The following MTERF4 variants were observed in gnomAD, a reference collection of about 807,000 sequenced individuals.
MTERF4 encodes the protein mitochondrial transcription termination factor 4, also known as transcription termination factor 4, mitochondrial.
A neutral mutation model predicts 22.5 loss-of-function variants in MTERF4; 17 were observed. That is an observed-to-expected ratio of 0.75 (90% CI 0.52 to 1.13). The LOEUF (loss-of-function observed/expected upper bound fraction) is 1.13, where lower values mean the gene tolerates loss of function less well. Among genes scored for constraint, MTERF4 ranks in the 50% most tolerant of loss-of-function variants. The pLI is 0.00. For synonymous variants in MTERF4, 165 were observed against 175.3 expected (o/e 0.94, Z 0.47); for missense variants, 420 against 466.8 (o/e 0.90, Z 0.92).
the MTERF4 span, chr2:241,064,997 G>T: frequency 2.0e-6 from 3 of 1,468,620 alleles, no homozygotes; most frequent in East Asian, 7.4e-5. This position sits in a 1 kb window ranked among gnomAD's most constrained non-coding sequence, Gnocchi z 7.0. Flanking sequence ...AGCCACGAGG[G>T]GGTCCCCTCT....
the MTERF4 span, among the ~76,000 whole-genome samples, chr2:241,045,717 A>C: frequency 1.3e-5 from 2 of 151,988 alleles, no homozygotes; most frequent in Non-Finnish European, 2.9e-5. Context: ...CATAGGCAAA[A>C]AAAAAAAAAA....
chr2:241,101,305 T>A, intron 1 of MTERF4: 2 of 382,390 alleles, frequency 5.2e-6, no homozygotes. Context: ...AAGGCGCAGT[T>A]CACAATAGGG....
chr2:241,066,867 G>A, the MTERF4 span, among the ~76,000 whole-genome samples: 1 of 152,210 alleles, frequency 6.6e-6, no homozygotes, highest in Non-Finnish European at 1.5e-5. Flanking sequence ...AGCCCACCCA[G>A]AGGCCCACAA....
the MTERF4 span, among the ~76,000 whole-genome samples, chr2:241,066,622 C>A: frequency 1.8e-5 from 2 of 113,964 alleles, no homozygotes; most frequent in Non-Finnish European, 2.1e-5. Flanking sequence ...TGCGAAGTGG[C>A]GTGATGGATG....
At chr2:241,067,658 C>T (rs2062516773), downstream of MTERF4, 1 of 891,670 alleles carries the variant, frequency 1.1e-6, no homozygotes, top group African/African-American at 1.7e-5. Flanking sequence ...TCCAGTGCCT[C>T]TCTGTGGCCC....
At chr2:241,054,875 G>A in the MTERF4 span, among the ~76,000 whole-genome samples, 1 of 152,188 alleles carries the variant, frequency 6.6e-6, no homozygotes, top group Non-Finnish European at 1.5e-5. Flanking sequence ...CCAGCACTTT[G>A]GGAGGCCGAG....
intron 4 of MTERF4, chr2:241,081,880 C>A: frequency 9.9e-7 from 1 of 1,006,084 alleles, no homozygotes; most frequent in Non-Finnish European, 1.5e-6. Flanking sequence ...GGGTTTGCCA[C>A]GGGAGCCTCC....
chr2:241,056,735 C>A, the MTERF4 span, among the ~76,000 whole-genome samples: 1 of 151,882 alleles, frequency 6.6e-6, no homozygotes, highest in Non-Finnish European at 1.5e-5. Context: ...CGCCCATCAC[C>A]ACGCCCGGCT....
chr2:241,085,235 G>A (rs1010156086), downstream of MTERF4, among the ~76,000 whole-genome samples: 1 of 152,070 alleles, frequency 6.6e-6, no homozygotes, highest in Non-Finnish European at 1.5e-5. Flanking sequence ...TGGGACTCCA[G>A]TTATGCGTGT....
At chr2:241,087,785 T>C, downstream of MTERF4, 1 of 957,194 alleles carries the variant, frequency 1.0e-6, no homozygotes, top group Non-Finnish European at 1.4e-6. Flanking sequence ...GCCCCGAGTA[T>C]TTAATGGCCG....
chr2:241,058,547 AAATT>A, the MTERF4 span, among the ~76,000 whole-genome samples: 4 of 152,258 alleles, frequency 2.6e-5, no homozygotes, highest in Non-Finnish European at 5.9e-5. Flanking sequence ...GATTACAACA[AAATT>A]AATTATGTGC....
chr2:241,092,215 C>G (rs923136382), downstream of MTERF4: 7 of 152,172 alleles, frequency 4.6e-5, no homozygotes, highest in Admixed American at 1.3e-4. The surrounding 1 kb of genome is among the most constrained non-coding windows in gnomAD (Gnocchi z 4.6). Flanking sequence ...TCGTGCAGGT[C>G]GACGAGCCAT....
the MTERF4 span, chr2:241,063,514 C>G: frequency 2.1e-6 from 2 of 960,408 alleles, no homozygotes; most frequent in Non-Finnish European, 1.6e-6. Context: ...CCAGGAAATG[C>G]ACGGAATCCT....
At chr2:241,057,661 G>A in the MTERF4 span, among the ~76,000 whole-genome samples, 8 of 151,888 alleles carry the variant, frequency 5.3e-5, no homozygotes, top group Non-Finnish European at 1.0e-4. Context: ...TCCAGCCTGG[G>A]TGACAGCAAG....
downstream of MTERF4, chr2:241,088,446 G>C: frequency 6.5e-7 from 1 of 1,537,916 alleles, no homozygotes; most frequent in African/African-American, 1.4e-5. Flanking sequence ...GAGCTGCTGG[G>C]AAGTGGGGGG....
chr2:241,067,307 C>T (rs1007196034), downstream of MTERF4, among the ~76,000 whole-genome samples: 1 of 152,202 alleles, frequency 6.6e-6, no homozygotes, highest in Middle Eastern at 3.2e-3. Context: ...CACAAGTGGC[C>T]CCTTCCCTGC....
chr2:241,070,437 T>G (rs2062649562), downstream of MTERF4, among the ~76,000 whole-genome samples: 2 of 152,196 alleles, frequency 1.3e-5, no homozygotes, highest in South Asian at 4.1e-4. Context: ...ACATTGAGCC[T>G]CAGTTTGTGC....
downstream of MTERF4, among the ~76,000 whole-genome samples, chr2:241,086,531 C>T (rs2063584600): frequency 1.3e-5 from 2 of 152,230 alleles, no homozygotes; most frequent in Admixed American, 1.3e-4. Flanking sequence ...TGTTTCTCCT[C>T]TCTCAGGGAT....
intron 4 of MTERF4, among the ~76,000 whole-genome samples, chr2:241,079,714 TATC>T (rs950691746): frequency 6.6e-6 from 1 of 152,172 alleles, no homozygotes; most frequent in Non-Finnish European, 1.5e-5. Context: ...TAAACCTAGT[TATC>T]ATGTGGATGG....
Sources: allele counts gnomAD v4.1 joint callset (sites outside exome capture counted in the v4.1 genomes callset), GRCh38; gene constraint gnomAD v4.1.1; non-coding constraint Gnocchi (gnomAD v3.1); transcripts MANE v1.5; gene names NCBI Gene and HGNC (gene_info 2026-07-23, HGNC 2026-07-21).